The following WWP2 variants were observed in gnomAD, a reference collection of about 807,000 sequenced individuals.
WWP2 encodes WW domain containing E3 ubiquitin protein ligase 2, also known as NEDD4-like E3 ubiquitin-protein ligase WWP2.
In WWP2, 57 loss-of-function variants were observed where a neutral mutation model predicts 121.0. The observed-to-expected ratio is 0.47, with a 90% CI of 0.38 to 0.59. The LOEUF is 0.59. WWP2 is among the 20% of genes least tolerant of loss of function. WWP2 has a pLI of 0.00. For missense variants in WWP2, 962 were observed against 1,158.9 expected (o/e 0.83, Z 2.47); for synonymous variants, 449 against 441.3 (o/e 1.02, Z -0.22).
chr16:69,906,733 A>C (rs2058300439), intron 8 of WWP2, among the ~76,000 whole-genome samples: 1 of 152,164 alleles, frequency 6.6e-6, no homozygotes, highest in Admixed American at 6.5e-5. Flanking sequence ...TAAAAAGATT[A>C]GCTGGGCCTC....
At position 69,862,742 on chromosome 16, in the gene WWP2, G is replaced by A. The variant is rs2057447932; in HGVS notation, c.576-9062G>A. Among the ~76,000 whole-genome samples the A allele has an allele frequency of 3.2e-5, 4 of 123,378 alleles. No homozygotes were observed. In the Admixed American group the frequency reaches 3.7e-4, roughly 12 times the overall value. 80.9% of individuals were successfully genotyped at this position (123,378 alleles called of 152,430 possible). A position where few individuals can be genotyped will look rare whatever the true frequency, so the allele number is the denominator to read the frequency against. ...TTTTTTTTTTTTTTTTTTGGAAACA[G>A]GGTCTCTTGCTCTATTGCCCAGGAT... On this transcript the variant is annotated intron_variant, in intron 6 of 23. Transcript: ENST00000359154.
chr16:69,888,273 C>A, intron 8 of WWP2, 24 bp downstream of exon 8: 1 of 1,605,860 alleles, frequency 6.2e-7, no homozygotes, highest in Non-Finnish European at 8.5e-7. Flanking sequence ...TGTCCCATAA[C>A]AGATCTCTCC....
chr16:69,801,182 T>TAAA (rs376524877), intron 4 of WWP2, among the ~76,000 whole-genome samples: 1 of 122,570 alleles, frequency 8.2e-6, no homozygotes, highest in Middle Eastern at 3.8e-3. Context: ...GAGCAAGTCT[T>TAAA]AAAAAAAAAA....
chr16:69,939,486 G>A lies in WWP2; in HGVS notation c.2513+73G>A, dbSNP rs1258908389. 5.3e-6 allele frequency: 8 copies of A among 1,514,466 alleles called. No individual in the cohort carries two copies. The East Asian group carries it at 1.4e-4, about 26-fold the overall frequency. 93.8% of individuals were successfully genotyped at this position (1,514,466 alleles called of 1,614,324 possible). Reference sequence around the variant, plus strand: ...GAGCTCCTGGGACAGCCCAGTGGGTGTAGCAGCTTCATAGCCTCGAGTCTG... The same window carrying A: ...GAGCTCCTGGGACAGCCCAGTGGGTATAGCAGCTTCATAGCCTCGAGTCTG... On this transcript the variant is annotated intron_variant, in intron 23 of 23. Transcript: ENST00000359154.
chr16:69,899,214 A>G (rs1188151609), intron 8 of WWP2, among the ~76,000 whole-genome samples: 4 of 152,188 alleles, frequency 2.6e-5, no homozygotes, highest in Non-Finnish European at 5.9e-5. Flanking sequence ...CCTAAGTTAC[A>G]TAAAAATGTT....
At chr16:69,934,928 G>A (rs1191465972) in intron 17 of WWP2, among the ~76,000 whole-genome samples, 1 of 152,044 alleles carries the variant, frequency 6.6e-6, no homozygotes, top group Admixed American at 6.5e-5. Flanking sequence ...CTGGTGAACA[G>A]TAGACTGGCT....
intron 4 of WWP2, among the ~76,000 whole-genome samples, chr16:69,833,860 C>T (rs1018660519): frequency 6.6e-6 from 1 of 152,142 alleles, no homozygotes; most frequent in African/African-American, 2.4e-5. Flanking sequence ...TCCAAGAGAT[C>T]AGTGGCCCTG....
At chr16:69,939,238 C>T (rs2058844143) in intron 22 of WWP2, 103 bp from the exon 23 acceptor site, 4 of 1,563,914 alleles carry the variant, frequency 2.6e-6, no homozygotes, top group Non-Finnish European at 3.5e-6. Flanking sequence ...GAGCTGTGGC[C>T]TCTGCATCCT....
intron 2 of WWP2, among the ~76,000 whole-genome samples, chr16:69,788,515 G>T (rs184965256): frequency 2.6e-5 from 4 of 152,144 alleles, no homozygotes; most frequent in African/African-American, 9.7e-5. Context: ...CTGGGCAGGC[G>T]TCTGCCTCTG....
intron 2 of WWP2, among the ~76,000 whole-genome samples, chr16:69,794,701 G>T (rs1026582350): frequency 1.3e-5 from 2 of 152,146 alleles, no homozygotes; most frequent in Non-Finnish European, 2.9e-5. Context: ...AGAATTTGCT[G>T]CATTCTTTAA....
At chr16:69,796,799 G>A (rs1023037597) in intron 2 of WWP2, among the ~76,000 whole-genome samples, 2 of 152,148 alleles carry the variant, frequency 1.3e-5, no homozygotes, top group Non-Finnish European at 2.9e-5. Context: ...TTCCCTTGTC[G>A]CTTCTGAATC....
At chr16:69,779,024 A>C (rs985640363) in intron 1 of WWP2, among the ~76,000 whole-genome samples, 1 of 151,370 alleles carries the variant, frequency 6.6e-6, no homozygotes, top group Non-Finnish European at 1.5e-5. Flanking sequence ...ATCTTGGCTC[A>C]CTGCAACCTC....
intron 7 of WWP2, among the ~76,000 whole-genome samples, chr16:69,872,294 G>T (rs2057656095): frequency 6.6e-6 from 1 of 151,452 alleles, no homozygotes; most frequent in Non-Finnish European, 1.5e-5. Context: ...TCGGCTCACT[G>T]CAAGCTCCGC....
At chr16:69,934,241 C>A in intron 17 of WWP2, 112 bp downstream of exon 17, 1 of 1,361,456 alleles carries the variant, frequency 7.3e-7, no homozygotes, top group East Asian at 2.4e-5. Context: ...CTGAGACCTC[C>A]AGGAAGGGGC....
At chr16:69,804,113 G>A (rs934046431) in intron 4 of WWP2, among the ~76,000 whole-genome samples, 2 of 151,968 alleles carry the variant, frequency 1.3e-5, no homozygotes, top group African/African-American at 2.4e-5. Flanking sequence ...ATTATTCTTC[G>A]TCTTACCATT....
chr16:69,939,788 A>C (rs928805341), intron 23 of WWP2, 53 bp from the exon 24 acceptor site: 1 of 1,536,628 alleles, frequency 6.5e-7, no homozygotes, highest in African/African-American at 1.4e-5. Flanking sequence ...TGGTGGGGCT[A>C]TCAGAGCCCT....
chr16:69,899,125 A>G (rs2058155876), intron 8 of WWP2, among the ~76,000 whole-genome samples: 1 of 152,216 alleles, frequency 6.6e-6, no homozygotes, highest in Non-Finnish European at 1.5e-5. Context: ...TTATTGTACA[A>G]GAGTTAATAA....
chr16:69,794,774 GA>G (rs1044994051), intron 2 of WWP2, among the ~76,000 whole-genome samples: 3 of 151,976 alleles, frequency 2.0e-5, no homozygotes, highest in Admixed American at 6.6e-5. Flanking sequence ...GATTATAAAA[GA>G]AAAAAACCAA....
In WWP2 at chr16:69,799,453, C is replaced by T; in HGVS notation, c.340+158C>T. On this transcript the variant is annotated intron_variant, in intron 4 of 23. Transcript: ENST00000359154. This position sits in a 1 kb window ranked among gnomAD's most constrained non-coding sequence, Gnocchi z 4.5. ...GGAGTTTTGGGAAGGCTGAGGGCTC[C>T]TCTCTGCCTCCACTACAGAGTTTAG... is the stretch of plus-strand genomic sequence containing the variant. 1.0e-6 allele frequency: 1 copy of T among 980,772 alleles called. No homozygotes were observed. The highest frequency in any genetic ancestry group is 1.8e-5 in the South Asian group (1 of 56,464). The allele number at this position is 980,772 out of a possible 1,614,324, so 60.8% of individuals were successfully genotyped here. A position where few individuals can be genotyped will look rare whatever the true frequency, so the allele number is the denominator to read the frequency against.
Sources: allele counts gnomAD v4.1 joint callset (sites outside exome capture counted in the v4.1 genomes callset), GRCh38; gene constraint gnomAD v4.1.1; non-coding constraint Gnocchi (gnomAD v3.1); transcripts MANE v1.5; gene names NCBI Gene and HGNC (gene_info 2026-07-23, HGNC 2026-07-21).